Variants in VPS53 observed in about 807,000 individuals in gnomAD.
VPS53 encodes VPS53 subunit of GARP complex.
VPS53 carries 70 observed loss-of-function variants against 107.0 expected under a neutral mutation model. That is an observed-to-expected ratio of 0.65 (90% CI 0.54 to 0.80). VPS53 has a LOEUF of 0.80. Among genes scored for constraint, VPS53 ranks in the 30% least tolerant of loss-of-function variants. VPS53 has a pLI of 0.00. For synonymous variants in VPS53, 409 were observed against 393.3 expected (o/e 1.04, Z -0.47); for missense variants, 917 against 1,049.4 (o/e 0.87, Z 1.74).
intron 11 of VPS53, 59 bp downstream of exon 11, chr17:623,474 T>G: frequency 6.4e-7 from 1 of 1,567,132 alleles, no homozygotes; most frequent in Non-Finnish European, 8.7e-7. Context: ...AGTGAAACCC[T>G]GAATCCCAAC....
intron 7 of VPS53, among the ~76,000 whole-genome samples, chr17:639,723 A>G (rs1675603380): frequency 6.6e-6 from 1 of 152,210 alleles, no homozygotes; most frequent in Non-Finnish European, 1.5e-5. Flanking sequence ...GAGGCTGCAG[A>G]ATAGCAAATA....
Position 516,676 on chromosome 17 carries a change from T to C in VPS53, c.*2452A>G, listed in dbSNP as rs1318944165. ...GGCGCCCGGCCGGCATCTGTAGATT[T>C]TAAAAGGCCCCAGTGGTTCTGATGC... On this transcript the variant is annotated 3_prime_UTR_variant, in exon 22 of 22. Coordinates refer to ENST00000437048, the MANE Select transcript of VPS53 (RefSeq NM_001128159.3). 1.3e-5 allele frequency: 2 copies of C among 152,302 alleles called. No individual in the cohort carries two copies. The highest frequency in any genetic ancestry group is 3.8e-4 in the East Asian group (2 of 5,196). 9.4% of individuals were successfully genotyped at this position (152,302 alleles called of 1,614,324 possible).
At chr17:603,612 C>T (rs572645193) in intron 11 of VPS53, among the ~76,000 whole-genome samples, 1 of 152,166 alleles carries the variant, frequency 6.6e-6, no homozygotes, top group South Asian at 2.1e-4. Flanking sequence ...GGCATTAGCT[C>T]GAGGTAATCA....
At chr17:567,908 G>A (rs1913685819) in intron 13 of VPS53, among the ~76,000 whole-genome samples, 1 of 150,560 alleles carries the variant, frequency 6.6e-6, no homozygotes, top group Non-Finnish European at 1.5e-5. Flanking sequence ...GAGGGGAGGG[G>A]AGGGGAAGGG....
At chr17:538,937 C>T (rs1391231906) in intron 17 of VPS53, 1 of 152,138 alleles carries the variant, frequency 6.6e-6, no homozygotes, top group East Asian at 1.9e-4. Context: ...GAAGATTTGA[C>T]CCATCCAAAC....
intron 11 of VPS53, among the ~76,000 whole-genome samples, chr17:603,409 G>A (rs556327160): frequency 1.6e-4 from 25 of 152,232 alleles, no homozygotes; most frequent in Admixed American, 2.0e-4. Flanking sequence ...GTGACAAAGC[G>A]AGACTCCGTC....
Position 519,735 on chromosome 17 carries a change from G to GC in VPS53, c.2328+90dup, listed in dbSNP as rs1193772744. ...AGCCAGGCACATGCATTTTGAGAAA[G>GC]CCCCCCCGGAACTTATATCCCAATT... On this transcript the variant is annotated intron_variant, in intron 21 of 21. Coordinates refer to ENST00000437048, the MANE Select transcript of VPS53 (RefSeq NM_001128159.3). This position sits in a 1 kb window ranked among gnomAD's most constrained non-coding sequence, Gnocchi z 5.0. The GC allele has an allele frequency of 4.8e-5, 46 of 967,694 alleles. No individual in the cohort carries two copies. The highest frequency in any genetic ancestry group is 6.7e-5 in the Non-Finnish European group (42 of 631,170). The allele number at this position is 967,694 out of a possible 1,614,324, so 59.9% of individuals were successfully genotyped here. A position where few individuals can be genotyped will look rare whatever the true frequency, so the allele number is the denominator to read the frequency against.
rs116820948 is a variant in VPS53, at chr17:708,197, T to C, written c.168+2336A>G. Among the ~76,000 whole-genome samples the C allele has an allele frequency of 4.8e-3, 733 of 152,248 alleles. 4 individuals are homozygous for C. Among genetic ancestry groups the C allele is most frequent in the African/African-American group, 0.017 (699 of 41,546 alleles). On this transcript the variant is annotated intron_variant, in intron 2 of 21. Coordinates refer to ENST00000437048, the MANE Select transcript of VPS53 (RefSeq NM_001128159.3). ...ACTACCACCAATGCACAGAGTCCAA[T>C]AGTGGCCCCGAATGCCTGGACCCAC...
chr17:605,356 G>A (rs1209671614), intron 11 of VPS53, among the ~76,000 whole-genome samples: 1 of 152,032 alleles, frequency 6.6e-6, no homozygotes, highest in Non-Finnish European at 1.5e-5. Context: ...CGGCTGAGCT[G>A]AGTAAGAAGG....
chr17:599,539 G>T (rs1055782072), intron 12 of VPS53, among the ~76,000 whole-genome samples: 2 of 150,652 alleles, frequency 1.3e-5, no homozygotes, highest in African/African-American at 4.9e-5. Context: ...TTGTTAAACA[G>T]ATGCTTGAAG....
In VPS53 at chr17:655,908, G is replaced by A. The variant is rs762571777; in HGVS notation, c.418C>T (p.Arg140Cys). ...RDIKQLDHAKRHLTTSITTLN... is the reference protein window; with the variant it reads ...RDIKQLDHAKCHLTTSITTLN... ...GTGGTGATTGAGGTGGTCAGGTGGC[G>A]TTTGGCGTGATCTAATTGCTTAATA... Residue 140 changes from arginine (R) to cysteine (C), a missense_variant, in exon 6 of 22, where the codon CGC (arginine) becomes TGC (cysteine). Physicochemically the swap from Arg to Cys is radical, Grantham distance 180. Transcript: ENST00000437048. 5.6e-5 allele frequency: 90 copies of A among 1,613,812 alleles called. No homozygotes were observed. The highest frequency in any genetic ancestry group is 1.0e-4 in the Admixed American group (6 of 59,982).
At chr17:707,885 C>A (rs999538115) in intron 2 of VPS53, among the ~76,000 whole-genome samples, 2 of 151,262 alleles carry the variant, frequency 1.3e-5, no homozygotes, top group Non-Finnish European at 2.9e-5. Flanking sequence ...AAGCATTTCA[C>A]TGAAAGGCAT....
intron 9 of VPS53, 133 bp downstream of exon 9, chr17:627,955 C>T: frequency 1.1e-6 from 1 of 879,724 alleles, no homozygotes; most frequent in South Asian, 1.9e-5. Flanking sequence ...AACTCAGCCC[C>T]TAGGACTCAC....
At chr17:643,235 CGAGGACAACACTCATACTTGGAAAGT>C (rs1422122117) in intron 7 of VPS53, among the ~76,000 whole-genome samples, 14,580 of 29,018 alleles carry the variant, frequency 0.5, 6,601 homozygotes, top group East Asian at 0.84. Context: ...ACTTGGAAAC[CGAGGACAACACTCATACTTGGAAAGT>C]GAGGACAACA....
At chr17:655,467 T>C (rs1051443970) in intron 6 of VPS53, among the ~76,000 whole-genome samples, 1 of 151,916 alleles carries the variant, frequency 6.6e-6, no homozygotes, top group Non-Finnish European at 1.5e-5. Context: ...GGAGTGAATA[T>C]GGGCCCGCGT....
At chr17:590,548 T>C (rs1253185321) in intron 12 of VPS53, among the ~76,000 whole-genome samples, 2 of 152,130 alleles carry the variant, frequency 1.3e-5, no homozygotes, top group Non-Finnish European at 2.9e-5. Flanking sequence ...TTGAGATACG[T>C]CCCATCAATA....
intron 11 of VPS53, among the ~76,000 whole-genome samples, chr17:617,755 C>T (rs1375864118): frequency 2.7e-5 from 4 of 148,902 alleles, no homozygotes; most frequent in African/African-American, 5.0e-5. Context: ...GCATGCGCCA[C>T]CACGCCCCAC....
intron 15 of VPS53, among the ~76,000 whole-genome samples, chr17:555,168 C>T (rs1205513007): frequency 2.0e-5 from 3 of 152,338 alleles, no homozygotes; most frequent in Non-Finnish European, 2.9e-5. Context: ...TGGGTCCTGC[C>T]CAGCTTTCTG....
At chr17:713,631 G>A (rs1011062289) in intron 1 of VPS53, among the ~76,000 whole-genome samples, 2 of 151,416 alleles carry the variant, frequency 1.3e-5, no homozygotes, top group Non-Finnish European at 1.5e-5. Context: ...CAACCTGGGC[G>A]AAAGAGCGAG....
Sources: allele counts gnomAD v4.1 joint callset (sites outside exome capture counted in the v4.1 genomes callset), GRCh38; gene constraint gnomAD v4.1.1; non-coding constraint Gnocchi (gnomAD v3.1); transcripts MANE v1.5; gene names NCBI Gene and HGNC (gene_info 2026-07-23, HGNC 2026-07-21).